Variants in YES1 observed in about 807,000 individuals in gnomAD.
YES1 encodes the protein tyrosine-protein kinase Yes.
Under a neutral mutation model 70.4 loss-of-function variants are expected in YES1, and 39 were observed. The ratio of observed to expected loss-of-function variants is 0.55; its 90% CI spans 0.43 to 0.72. The LOEUF (loss-of-function observed/expected upper bound fraction) is 0.72, where lower values mean the gene tolerates loss of function less well. YES1 is among the 30% of genes least tolerant of loss of function. The pLI, the probability that YES1 is intolerant of heterozygous loss-of-function variation, is 0.00. For synonymous variants in YES1, 198 were observed against 218.6 expected (o/e 0.91, Z 0.83); for missense variants, 495 against 644.8 (o/e 0.77, Z 2.52).
intron 1 of YES1, among the ~76,000 whole-genome samples, chr18:780,339 A>C (rs2145795278): frequency 6.6e-6 from 1 of 152,162 alleles, no homozygotes; most frequent in East Asian, 1.9e-4. Flanking sequence ...TAATAAATTA[A>C]TCCATGTATG....
chr18:736,601 T>C (rs2080156198), intron 10 of YES1: 1 of 542,778 alleles, frequency 1.8e-6, no homozygotes, highest in East Asian at 3.2e-5. Flanking sequence ...CTATGTATAA[T>C]GCAAAGGATA....
intron 2 of YES1, among the ~76,000 whole-genome samples, chr18:752,754 T>A (rs2080357711): frequency 6.6e-6 from 1 of 151,950 alleles, no homozygotes. Flanking sequence ...ACCAGCCTGG[T>A]CAACAGGGCG....
At chr18:783,515 C>T (rs1192057940) in intron 1 of YES1, among the ~76,000 whole-genome samples, 1 of 151,998 alleles carries the variant, frequency 6.6e-6, no homozygotes, top group African/African-American at 2.4e-5. Context: ...ATTGGAAAAA[C>T]CAGGAGAAAA....
chr18:744,689 C>CTT (rs71174284), intron 6 of YES1, among the ~76,000 whole-genome samples: 8,478 of 56,800 alleles, frequency 0.15, 2,347 homozygotes, highest in Non-Finnish European at 0.19. Flanking sequence ...CACGCCTGGC[C>CTT]TTTTTTTTTT....
chr18:746,064 T>G lies in YES1; in HGVS notation c.471-13A>C. 4 of 1,598,432 alleles carry G rather than the reference T, an allele frequency of 2.5e-6. No homozygotes were observed. The highest frequency in any genetic ancestry group is 2.6e-6 in the Non-Finnish European group (3 of 1,169,252). On this transcript the variant is annotated splice_polypyrimidine_tract_variant and intron_variant, in intron 4 of 11. Coordinates refer to ENST00000314574, the MANE Select transcript of YES1 (RefSeq NM_005433.4). Reference sequence around the variant, plus strand: ...GCCAAAATACCATCTGGAAAAAAATTAAGTGTTTTGAATTGAAAAGTATGA... The same window carrying G: ...GCCAAAATACCATCTGGAAAAAAATGAAGTGTTTTGAATTGAAAAGTATGA...
chr18:745,490 G>A (rs1833592332), intron 6 of YES1, among the ~76,000 whole-genome samples: 1 of 152,118 alleles, frequency 6.6e-6, no homozygotes, highest in African/African-American at 2.4e-5. Context: ...TAAGATATAA[G>A]GACCCAAATG....
At chr18:766,943 G>C (rs1399978325) in intron 1 of YES1, among the ~76,000 whole-genome samples, 1 of 152,088 alleles carries the variant, frequency 6.6e-6, no homozygotes, top group Non-Finnish European at 1.5e-5. Context: ...TTCCATAACA[G>C]TATCCTTGAA....
chr18:768,282 A>C (rs772672122), intron 1 of YES1, among the ~76,000 whole-genome samples: 1 of 152,226 alleles, frequency 6.6e-6, no homozygotes, highest in Admixed American at 6.5e-5. Context: ...TACAAATTTT[A>C]ATCATACAAA....
intron 1 of YES1, among the ~76,000 whole-genome samples, chr18:798,888 T>A (rs1021381710): frequency 2.0e-4 from 31 of 152,272 alleles, no homozygotes; most frequent in Non-Finnish European, 5.9e-5. Context: ...AAACCCGAGA[T>A]GACATGACTC....
At chr18:757,988 T>C (rs1262609739) in intron 1 of YES1, among the ~76,000 whole-genome samples, 1 of 152,142 alleles carries the variant, frequency 6.6e-6, no homozygotes, top group Non-Finnish European at 1.5e-5. Context: ...ACACAATGGG[T>C]ACTAGCAAAT....
At chr18:811,170 C>T (rs1482553163) in intron 1 of YES1, among the ~76,000 whole-genome samples, 3 of 152,202 alleles carry the variant, frequency 2.0e-5, no homozygotes, top group Non-Finnish European at 4.4e-5. Flanking sequence ...TGTGAAAACA[C>T]ACACCCGTGG....
chr18:765,661 G>A (rs1904873582), intron 1 of YES1, among the ~76,000 whole-genome samples: 1 of 152,014 alleles, frequency 6.6e-6, no homozygotes, highest in Admixed American at 6.6e-5. Context: ...GCCTCTCAAA[G>A]TGCTGGGATT....
chr18:795,686 A>G (rs1045710888), intron 1 of YES1, among the ~76,000 whole-genome samples: 1 of 149,890 alleles, frequency 6.7e-6, no homozygotes, highest in African/African-American at 2.5e-5. Flanking sequence ...GTTCTCACTT[A>G]TAAGTGGGAG....
intron 11 of YES1, among the ~76,000 whole-genome samples, chr18:725,723 A>G (rs765361420): frequency 4.6e-5 from 7 of 152,114 alleles, no homozygotes; most frequent in Non-Finnish European, 1.0e-4. Context: ...CCACGACTCT[A>G]CAAACTACAA....
chr18:807,332 A>C (rs1328474187), intron 1 of YES1, among the ~76,000 whole-genome samples: 4 of 67,906 alleles, frequency 5.9e-5, no homozygotes, highest in Admixed American at 1.4e-4. Flanking sequence ...ATACTTCATC[A>C]AAAAAAAAAA....
chr18:746,494 T>A lies in YES1; in HGVS notation c.471-443A>T, dbSNP rs537119525. On this transcript the variant is annotated intron_variant, in intron 4 of 11. Coordinates refer to ENST00000314574, the MANE Select transcript of YES1 (RefSeq NM_005433.4). ...AACTCTAAATATGTGTGGGTTTAAT[T>A]TAATAAGGTTTTGTGAATAAAATGA... 5.9e-5 allele frequency among the ~76,000 whole-genome samples: 9 copies of A among 152,294 alleles called. No homozygotes were observed. The South Asian group carries it at 1.9e-3, about 32-fold the overall frequency.
intron 2 of YES1, among the ~76,000 whole-genome samples, chr18:755,252 T>TC (rs1354449098): frequency 1.5e-5 from 2 of 137,384 alleles, no homozygotes; most frequent in Admixed American, 1.4e-4. Context: ...GGCCATTGCC[T>TC]TTTTTTTTTT....
chr18:769,698 T>C (rs946315987), intron 1 of YES1, among the ~76,000 whole-genome samples: 14 of 152,156 alleles, frequency 9.2e-5, no homozygotes, highest in African/African-American at 2.9e-4. Context: ...CTTTATTCAA[T>C]TGATGTAGTG....
intron 8 of YES1, among the ~76,000 whole-genome samples, chr18:740,057 C>T (rs986815802): frequency 6.6e-6 from 1 of 152,174 alleles, no homozygotes; most frequent in African/African-American, 2.4e-5. Flanking sequence ...TGACAAGAGG[C>T]ATTTTTTCCT....
Sources: allele counts gnomAD v4.1 joint callset (sites outside exome capture counted in the v4.1 genomes callset), GRCh38; gene constraint gnomAD v4.1.1; transcripts MANE v1.5; gene names NCBI Gene and HGNC (gene_info 2026-07-23, HGNC 2026-07-21).